The following NAALADL1 variants were observed in gnomAD, a reference collection of about 807,000 sequenced individuals.
NAALADL1 encodes the protein aminopeptidase NAALADL1.
A neutral mutation model predicts 82.8 loss-of-function variants in NAALADL1; 77 were observed. The observed-to-expected ratio is 0.93, with a 90% CI of 0.77 to 1.12. The LOEUF is 1.12. NAALADL1 is among the 50% of genes most tolerant of loss of function. NAALADL1 has a pLI of 0.00. For missense variants in NAALADL1, 956 were observed against 964.0 expected, an observed-to-expected ratio of 0.99 and a Z score of 0.11; for synonymous variants, 358 against 399.2, an observed-to-expected ratio of 0.90 and a Z score of 1.23.
At chr11:65,048,518 C>A (rs1406850325) in intron 8 of NAALADL1, 133 bp from the exon 9 acceptor site, 2 of 965,722 alleles carry the variant, frequency 2.1e-6, no homozygotes, top group Admixed American at 4.3e-5. Context: ...TCCTGGCACC[C>A]TGCAGCCAGG....
chr11:65,058,078 C>T lies in NAALADL1; in HGVS notation c.358G>A (p.Val120Met), dbSNP rs1475038876. Residue 120 changes from valine (V) to methionine (M), a missense_variant and splice_region_variant, in exon 2 of 18, where the codon GTG (valine) becomes ATG (methionine). By Grantham distance (21) the Val-to-Met change is conservative (BLOSUM62 1). Coordinates refer to ENST00000358658, the MANE Select transcript of NAALADL1 (RefSeq NM_005468.3). The stretch of plus-strand genomic sequence containing the variant: ...TTCCCAAGACTGGGCAGGACCTCAC[C>T]GATGTCCACGACGTTGGGCTGCTCC... ...SQEQPNVVDI[V>M]GPTGGIIHSC... The T allele has an allele frequency of 9.9e-6, 16 of 1,610,230 alleles. No individual in the cohort carries two copies. The East Asian group carries it at 1.1e-4, about 11-fold the overall frequency.
rs1478738047 is a variant in NAALADL1, at chr11:65,045,824, G to A, written c.2034C>T (p.Tyr678=). 1 of 1,613,754 alleles carries A rather than the reference G, an allele frequency of 6.2e-7. No individual in the cohort carries two copies. The highest frequency in any genetic ancestry group is 1.3e-5 in the African/African-American group (1 of 74,942). ...NPRAFPEERY[Y]SHVLWAPRTG... is the part of the protein sequence containing the mutation. ...CCAGGACTCTGGGACAGACTCACCT[G>A]TAGTAGCGTTCCTCTGGGAAGGCTC... The change falls in exon 17 of 18, where the codon TAC becomes TAT. Residue 678 remains tyrosine, a splice_region_variant and synonymous_variant. Coordinates refer to ENST00000358658, the MANE Select transcript of NAALADL1 (RefSeq NM_005468.3).
Position 65,046,952 on chromosome 11 carries a change from C to T in NAALADL1, c.1600-426G>A, listed in dbSNP as rs115562746. 3.1e-3 allele frequency among the ~76,000 whole-genome samples: 465 copies of T among 152,176 alleles called. 3 individuals carry two copies. The highest frequency in any genetic ancestry group is 0.01 in the African/African-American group (426 of 41,496). ...GCTCACGCCAATGGTCTGAGTTAAT[C>T]GATGCTGAGATTAACTTCCCCCCTC... On this transcript the variant is annotated intron_variant, in intron 13 of 17. Transcript: ENST00000358658.
In NAALADL1 at chr11:65,057,999, G is replaced by A; in HGVS notation, c.359-3C>T. ...GATGATGCCCCCAGTGGGGCCCACT[G>A]TTGGAGGGGTGGCAGTATCATGGCT... On this transcript the variant is annotated splice_polypyrimidine_tract_variant and splice_region_variant and intron_variant, in intron 2 of 17. Transcript: ENST00000358658. 3.7e-6 allele frequency: 6 copies of A among 1,614,162 alleles called. No homozygotes were observed. Among genetic ancestry groups the A allele is most frequent in the Non-Finnish European group, 5.1e-6 (6 of 1,180,004 alleles).
rs567066428 is a variant in NAALADL1, at chr11:65,054,277, C to T, written c.965G>A (p.Arg322Gln). The T allele has an allele frequency of 2.1e-5, 34 of 1,614,060 alleles. No individual in the cohort carries two copies. Among genetic ancestry groups the T allele is most frequent in the Middle Eastern group, 1.7e-4 (1 of 6,060 alleles). ...GCHYRLGPGF[R>Q]PDGDFPADSQ... is the part of the protein sequence containing the mutation. Reference sequence around the variant, plus strand: ...GTCTGCTGGGAAGTCTCCGTCAGGCCGGAAGCCGGGACCCAACCTGTAGTG... The same window carrying T: ...GTCTGCTGGGAAGTCTCCGTCAGGCTGGAAGCCGGGACCCAACCTGTAGTG... Residue 322 changes from arginine (R) to glutamine (Q), a missense_variant, in exon 6 of 18, where the codon CGG becomes CAG. Arg to Gln is a conservative substitution (Grantham distance 43). Coordinates refer to ENST00000358658, the MANE Select transcript of NAALADL1 (RefSeq NM_005468.3). The surrounding 1 kb of genome is among the most constrained non-coding windows in gnomAD (Gnocchi z 4.3).
At chr11:65,050,475 C>A (rs889695797) in intron 8 of NAALADL1, among the ~76,000 whole-genome samples, 6 of 150,632 alleles carry the variant, frequency 4.0e-5, no homozygotes, top group Non-Finnish European at 8.9e-5. Context: ...GAGACTCTGT[C>A]TAAATAATTA....
At chr11:65,052,626 A>G (rs1360420954) in intron 8 of NAALADL1, among the ~76,000 whole-genome samples, 3 of 152,098 alleles carry the variant, frequency 2.0e-5, no homozygotes, top group African/African-American at 7.2e-5. Flanking sequence ...GCCGTTTAAC[A>G]TGAGGACTCT....
intron 8 of NAALADL1, among the ~76,000 whole-genome samples, chr11:65,048,778 T>A (rs1590760201): frequency 1.3e-5 from 2 of 152,298 alleles, no homozygotes; most frequent in Middle Eastern, 3.4e-3. Flanking sequence ...AACAATGCCT[T>A]GAGGGAGATA....
chr11:65,054,122 T>C lies in NAALADL1; in HGVS notation c.992+128A>G, dbSNP rs1190942724. 7.4e-6 allele frequency: 6 copies of C among 814,314 alleles called. No individual in the cohort carries two copies. Among genetic ancestry groups the C allele is most frequent in the Non-Finnish European group, 1.2e-5 (6 of 515,854 alleles). The allele number at this position is 814,314 out of a possible 1,614,324, so 50.4% of individuals were successfully genotyped here. A position where few individuals can be genotyped will look rare whatever the true frequency, so the allele number is the denominator to read the frequency against. ...CATATTTTGGGGTCAGGAGAGGGTC[T>C]GGGAGAGAGAGGAAAGGGAAAAAGG... On this transcript the variant is annotated intron_variant, in intron 6 of 17. Transcript: ENST00000358658. The surrounding 1 kb of genome is among the most constrained non-coding windows in gnomAD (Gnocchi z 4.3).
In NAALADL1 at chr11:65,053,198, A is replaced by G. The variant is rs760803304; in HGVS notation, c.1198+20T>C. On this transcript the variant is annotated intron_variant, in intron 8 of 17. Transcript: ENST00000358658. The surrounding 1 kb of genome is among the most constrained non-coding windows in gnomAD (Gnocchi z 4.3). Reference sequence around the variant, plus strand: ...CTCCGGGGGCGAAGGTCCCTGGTCCAGGGGAGGGGGCCGCCTCACCCTTCT... The same window carrying G: ...CTCCGGGGGCGAAGGTCCCTGGTCCGGGGGAGGGGGCCGCCTCACCCTTCT... The G allele has an allele frequency of 3.3e-6, 5 of 1,524,702 alleles. No individual in the cohort carries two copies. The highest frequency in any genetic ancestry group is 1.4e-5 in the African/African-American group (1 of 72,456). 94.4% of individuals were successfully genotyped at this position (1,524,702 alleles called of 1,614,324 possible).
intron 8 of NAALADL1, 55 bp from the exon 9 acceptor site, chr11:65,048,440 C>A: frequency 5.6e-6 from 9 of 1,601,826 alleles, no homozygotes; most frequent in Non-Finnish European, 7.7e-6. Flanking sequence ...CCTAGGGTGC[C>A]TTAGGAGAAA....
At position 65,045,277 on chromosome 11, in the gene NAALADL1, G is replaced by A. The variant is rs1164392906; in HGVS notation, c.2217C>T (p.Asp739=). Residue 739 remains aspartate (D), a synonymous_variant, in exon 18 of 18, where the codon GAC becomes GAT. Transcript: ENST00000358658. The stretch of plus-strand genomic sequence containing the variant: ...TGAAGAAAGAGGGCTGGGGTCAGAG[G>A]TCAGCCACAGGCCTCAGGGTGGCTG... The part of the protein sequence containing the change: ...GAAATLRPVA[D]L The A allele has an allele frequency of 3.1e-6, 5 of 1,605,296 alleles. No homozygotes were observed. The highest frequency in any genetic ancestry group is 1.7e-5 in the Admixed American group (1 of 59,256).
rs1435877470 is a variant in NAALADL1, at chr11:65,058,251, C to T, written c.186-1G>A. 1.2e-6 allele frequency: 2 copies of T among 1,613,538 alleles called. No homozygotes were observed. The highest frequency in any genetic ancestry group is 2.2e-5 in the South Asian group (2 of 91,044). On this transcript the variant is annotated splice_acceptor_variant, in intron 1 of 17. Coordinates refer to ENST00000358658, the MANE Select transcript of NAALADL1 (RefSeq NM_005468.3). LOFTEE classifies it high-confidence loss of function. ...CAGGTGTGGCTCCCTGGAGAGTTCT[C>T]TGCAGGGTGGGCAGAGGGAGGGGCA...
At chr11:65,051,936 G>A (rs546595716) in intron 8 of NAALADL1, among the ~76,000 whole-genome samples, 75 of 152,198 alleles carry the variant, frequency 4.9e-4, no homozygotes, top group Non-Finnish European at 9.3e-4. Context: ...AGGGCCTGGC[G>A]TGGAAACTCA....
chr11:65,047,915 C>A, intron 11 of NAALADL1, 66 bp downstream of exon 11: 1 of 1,175,972 alleles, frequency 8.5e-7, no homozygotes, highest in Non-Finnish European at 1.2e-6. Flanking sequence ...CCACCCGTAG[C>A]GGCCCCGTCC....
At position 65,046,072 on chromosome 11, in the gene NAALADL1, G is replaced by A. The variant is rs1197676509; in HGVS notation, c.1898C>T (p.Ala633Val). 2.5e-6 allele frequency: 4 copies of A among 1,613,956 alleles called. No homozygotes were observed. The highest frequency in any genetic ancestry group is 3.4e-6 in the Non-Finnish European group (4 of 1,180,034). Residue 633 changes from alanine (A) to valine (V), a missense_variant, in exon 16 of 18, where the codon GCA becomes GTA. Transcript: ENST00000358658. ...TGTTGATATGCGTTGGCCCAAGGCT[G>A]CAGCTTCTGCCTCAAACTTCTCCAC... is the stretch of plus-strand genomic sequence containing the variant. ...TAVEKFEAEA[A>V]ALGQRISTLQ...
At chr11:65,047,888 C>T in intron 11 of NAALADL1, 93 bp downstream of exon 11, 4 of 1,443,824 alleles carry the variant, frequency 2.8e-6, no homozygotes, top group Non-Finnish European at 3.7e-6. Flanking sequence ...CTAGAGAGTA[C>T]CACTCCCCAG....
Position 65,053,278 on chromosome 11 carries a change from T to A in NAALADL1, c.1138A>T (p.Ser380Cys). ...TCCAGGAGGACGGCGGTGCCACTGC[T>A]GGGGTCCACAGCCCCGTGCACCCAG... ...DSWVHGAVDP[S>C]SGTAVLLELS... Residue 380 changes from serine (S) to cysteine (C), a missense_variant, in exon 8 of 18, where the codon AGC becomes TGC. By Grantham distance (112) the Ser-to-Cys change is moderately radical. Transcript: ENST00000358658. The surrounding 1 kb of genome is among the most constrained non-coding windows in gnomAD (Gnocchi z 4.3). 1 of 1,555,226 alleles carries A rather than the reference T, an allele frequency of 6.4e-7. No individual in the cohort carries two copies.
Position 65,053,550 on chromosome 11 carries a change from C to A in NAALADL1, c.1019G>T (p.Arg340Leu). 6.2e-7 allele frequency: 1 copy of A among 1,607,272 alleles called. No individual in the cohort carries two copies. Among genetic ancestry groups the A allele is most frequent in the Non-Finnish European group, 8.5e-7 (1 of 1,176,034 alleles). ...GTTGGAAGAGTTCCTCAGCTCCAGG[C>A]GGTTGTAGACGCTCACATTCACCTG... is the stretch of plus-strand genomic sequence containing the variant. ...DSQVNVSVYN[R>L]LELRNSSNVL... Residue 340 changes from arginine to leucine, a missense_variant, in exon 7 of 18, where the codon CGC (arginine) becomes CTC (leucine). Coordinates refer to ENST00000358658, the MANE Select transcript of NAALADL1 (RefSeq NM_005468.3). This position sits in a 1 kb window ranked among gnomAD's most constrained non-coding sequence, Gnocchi z 4.3.
Sources: gnomAD v4.1 joint callset for allele counts (sites outside exome capture counted in the v4.1 genomes callset) on GRCh38, gnomAD v4.1.1 for gene constraint, Gnocchi (gnomAD v3.1) non-coding constraint, MANE v1.5 for transcripts, NCBI Gene and HGNC (gene_info 2026-07-23, HGNC 2026-07-21) for gene names.